Variants in EBF1 observed in about 807,000 individuals in gnomAD.
EBF1 encodes the protein EBF transcription factor 1.
In EBF1, 10 loss-of-function variants were observed where a neutral mutation model predicts 68.4. The ratio of observed to expected loss-of-function variants is 0.15; its 90% CI spans 0.09 to 0.25. EBF1 has a LOEUF of 0.25. EBF1 is among the 10% of genes least tolerant of loss of function. The pLI is 1.00. For synonymous variants in EBF1, 298 were observed against 299.8 expected (o/e 0.99, Z 0.06); for missense variants, 509 against 794.4 (o/e 0.64, Z 4.32).
In EBF1 at chr5:159,058,378, C is replaced by T. The variant is rs185599762; in HGVS notation, c.554+15018G>A. On this transcript the variant is annotated intron_variant, in intron 6 of 15. Transcript: ENST00000313708. ...AGAGCTAGCTTAATAAGCTGTAGGA[C>T]GTGAAAAAGTCACTGGTAGGTCCAG... Among the ~76,000 whole-genome samples the T allele has an allele frequency of 1.2e-4, 18 of 152,302 alleles. No individual in the cohort carries two copies. The East Asian group carries it at 2.3e-3, about 20-fold the overall frequency.
intron 8 of EBF1, among the ~76,000 whole-genome samples, chr5:158,798,295 A>T (rs1779941598): frequency 6.6e-6 from 1 of 152,204 alleles, no homozygotes; most frequent in Non-Finnish European, 1.5e-5. Flanking sequence ...TGACTGAGTC[A>T]AACTGTGGAA....
chr5:158,916,475 C>T (rs1807210469), intron 6 of EBF1, among the ~76,000 whole-genome samples: 1 of 152,110 alleles, frequency 6.6e-6, no homozygotes. Context: ...AGATATTATT[C>T]TATATGCCAA....
chr5:158,819,454 G>A (rs1784396968), intron 8 of EBF1, among the ~76,000 whole-genome samples: 1 of 152,216 alleles, frequency 6.6e-6, no homozygotes, highest in Non-Finnish European at 1.5e-5. Flanking sequence ...ACAGGGGGAA[G>A]AAACAGAGAA....
chr5:158,773,291 A>G (rs1177102164), intron 10 of EBF1, among the ~76,000 whole-genome samples: 1 of 152,212 alleles, frequency 6.6e-6, no homozygotes, highest in African/African-American at 2.4e-5. Flanking sequence ...TTGGCAAAGG[A>G]TGTGGAGTTA....
chr5:159,055,131 TG>T (rs1774511447), intron 6 of EBF1, among the ~76,000 whole-genome samples: 1 of 152,190 alleles, frequency 6.6e-6, no homozygotes, highest in South Asian at 2.1e-4. Flanking sequence ...AACTGAAAGT[TG>T]ATTGAGAATA....
intron 6 of EBF1, among the ~76,000 whole-genome samples, chr5:159,024,088 G>C (rs1767248871): frequency 6.6e-6 from 1 of 152,148 alleles, no homozygotes; most frequent in South Asian, 2.1e-4. Context: ...AAAGCCCATA[G>C]TATTCTGATA....
At chr5:158,962,903 C>A (rs768171121) in intron 6 of EBF1, among the ~76,000 whole-genome samples, 1 of 152,164 alleles carries the variant, frequency 6.6e-6, no homozygotes, top group Non-Finnish European at 1.5e-5. Flanking sequence ...CAGTGACACC[C>A]CAGAGTGAGT....
At chr5:158,934,202 C>T (rs948020796) in intron 6 of EBF1, among the ~76,000 whole-genome samples, 5 of 152,090 alleles carry the variant, frequency 3.3e-5, no homozygotes, top group Admixed American at 6.5e-5. Flanking sequence ...TTATGGGAGC[C>T]GAATCTCACT....
At position 159,031,879 on chromosome 5, in the gene EBF1, T is replaced by C. The variant is rs563987890; in HGVS notation, c.554+41517A>G. Among the ~76,000 whole-genome samples, 130 of 150,092 alleles carry C rather than the reference T, an allele frequency of 8.7e-4. No individual in the cohort carries two copies. The Middle Eastern group carries it at 0.01, about 12-fold the overall frequency. ...AACAGTTGGAAAATCTTCACCACTT[T>C]TAGTTAAAATATAAAACAAAACCCG... On this transcript the variant is annotated intron_variant, in intron 6 of 15. Coordinates refer to ENST00000313708, the MANE Select transcript of EBF1 (RefSeq NM_024007.5).
chr5:159,033,555 G>A (rs965876116), intron 6 of EBF1, among the ~76,000 whole-genome samples: 18 of 152,180 alleles, frequency 1.2e-4, no homozygotes, highest in Admixed American at 2.6e-4. Context: ...AGTTAAGGAA[G>A]GGTTGTATCT....
intron 6 of EBF1, among the ~76,000 whole-genome samples, chr5:158,974,464 C>T (rs6556381): frequency 0.93 from 141,370 of 152,178 alleles, 66,317 homozygotes; most frequent in Non-Finnish European, 0.99. Flanking sequence ...TGCATAATTT[C>T]TTCAAGTTTA....
chr5:158,902,897 C>T (rs183087239), intron 6 of EBF1, among the ~76,000 whole-genome samples: 91 of 152,106 alleles, frequency 6.0e-4, no homozygotes, highest in African/African-American at 1.8e-3. Flanking sequence ...TTGACAGGTG[C>T]GGTTAGAGAC....
At chr5:158,918,599 A>G (rs570897669) in intron 6 of EBF1, among the ~76,000 whole-genome samples, 43 of 152,350 alleles carry the variant, frequency 2.8e-4, no homozygotes, top group Non-Finnish European at 5.0e-4. Flanking sequence ...TCAGTGGAAC[A>G]CTGTGTGTAT....
intron 9 of EBF1, among the ~76,000 whole-genome samples, chr5:158,788,559 T>C (rs922243353): frequency 3.3e-5 from 5 of 152,102 alleles, no homozygotes; most frequent in South Asian, 4.1e-4. Context: ...CCAGTAAAGG[T>C]TGTATAAGGT....
intron 9 of EBF1, among the ~76,000 whole-genome samples, chr5:158,791,630 A>G (rs1778624579): frequency 6.6e-6 from 1 of 151,962 alleles, no homozygotes; most frequent in Non-Finnish European, 1.5e-5. Context: ...AAATTCTGTG[A>G]TAAAATAAAA....
At chr5:159,075,326 G>A (rs554337457) in intron 5 of EBF1, among the ~76,000 whole-genome samples, 3 of 152,108 alleles carry the variant, frequency 2.0e-5, no homozygotes, top group Non-Finnish European at 4.4e-5. Flanking sequence ...AGGCAAATCT[G>A]CCCTGTGCTC....
At chr5:158,863,234 C>T (rs555997992) in intron 6 of EBF1, among the ~76,000 whole-genome samples, 1 of 152,274 alleles carries the variant, frequency 6.6e-6, no homozygotes, top group East Asian at 1.9e-4. Flanking sequence ...CATTCCTGGT[C>T]TAAAAAATCT....
chr5:158,844,188 CTTTTTT>C, intron 6 of EBF1, among the ~76,000 whole-genome samples: 1 of 126,344 alleles, frequency 7.9e-6, no homozygotes, highest in East Asian at 2.2e-4. Context: ...TAACTCAAGC[CTTTTTT>C]TTTTTTTTTT....
intron 8 of EBF1, among the ~76,000 whole-genome samples, chr5:158,799,701 C>T (rs541458929): frequency 2.6e-5 from 4 of 152,122 alleles, no homozygotes; most frequent in Admixed American, 6.6e-5. Flanking sequence ...TGTAATGCAA[C>T]GGGAAGGTGC....
Sources: gnomAD v4.1 joint callset for allele counts (sites outside exome capture counted in the v4.1 genomes callset) on GRCh38, gnomAD v4.1.1 for gene constraint, MANE v1.5 for transcripts, NCBI Gene and HGNC (gene_info 2026-07-23, HGNC 2026-07-21) for gene names.